The following COL7A1 variants were observed in gnomAD, a reference collection of about 807,000 sequenced individuals.
The protein encoded by COL7A1 is collagen alpha-1(VII) chain.
Under a neutral mutation model 456.2 loss-of-function variants are expected in COL7A1, and 296 were observed. That is an observed-to-expected ratio of 0.65 (90% CI 0.59 to 0.71). The LOEUF (loss-of-function observed/expected upper bound fraction) is 0.71, where lower values mean the gene tolerates loss of function less well. Ranked by LOEUF, COL7A1 falls within the 30% of genes least tolerant of loss-of-function variation. The pLI is 0.00. For synonymous variants in COL7A1, 1,464 were observed against 1,525.9 expected, an observed-to-expected ratio of 0.96 and a Z score of 0.95; for missense variants, 3,441 against 4,017.2, an observed-to-expected ratio of 0.86 and a Z score of 3.88.
At position 48,576,721 on chromosome 3, in the gene COL7A1, G is replaced by C. The variant is rs2107682399; in HGVS notation, c.5655C>G (p.Pro1885=). The C allele has an allele frequency of 6.2e-7, 1 of 1,610,970 alleles. No homozygotes were observed. The highest frequency in any genetic ancestry group is 8.5e-7 in the Non-Finnish European group (1 of 1,178,946). ...GERGAPGILG[P]QGPPGLPGPV... The stretch of plus-strand genomic sequence containing the variant: ...GCCCTGGGAGGCCTGGAGGCCCCTG[G>C]GGTCCAAGGATACCAGGAGCTCCAC... Residue 1885 remains proline, a synonymous_variant, in exon 68 of 119, where the codon CCC becomes CCG. Coordinates refer to ENST00000681320, the MANE Select transcript of COL7A1 (RefSeq NM_000094.4).
Position 48,574,695 on chromosome 3 carries a change from T to C in COL7A1, c.6375A>G (p.Gln2125=), listed in dbSNP as rs2107669673. The C allele has an allele frequency of 1.2e-6, 2 of 1,613,964 alleles. No individual in the cohort carries two copies. The highest frequency in any genetic ancestry group is 8.5e-7 in the Non-Finnish European group (1 of 1,180,002). Residue 2125 remains glutamine (Q), a synonymous_variant, in exon 78 of 119, where the codon CAA becomes CAG. Transcript: ENST00000681320. This position sits in a 1 kb window ranked among gnomAD's most constrained non-coding sequence, Gnocchi z 5.0. ...GCCTCACCCTGTCTCCTTTGGGACCTTGGTCACCATTGCTGCCCGGCTCCC... is the reference window on the plus strand; with the variant it reads ...GCCTCACCCTGTCTCCTTTGGGACCCTGGTCACCATTGCTGCCCGGCTCCC... ...AKGEPGSNGD[Q]GPKGDRGVPG...
chr3:48,571,836 C>T lies in COL7A1; in HGVS notation c.7068+165G>A. 1.2e-6 allele frequency: 1 copy of T among 842,980 alleles called. No individual in the cohort carries two copies. Among genetic ancestry groups the T allele is most frequent in the Non-Finnish European group, 1.9e-6 (1 of 526,996 alleles). 52.2% of individuals were successfully genotyped at this position (842,980 alleles called of 1,614,324 possible). Reference sequence around the variant, plus strand: ...GCCCCCAGAGCTCAGAGTGTGGAAGCCGACAGTGTGTGGCTCCCTGTGATC... The same window carrying T: ...GCCCCCAGAGCTCAGAGTGTGGAAGTCGACAGTGTGTGGCTCCCTGTGATC... On this transcript the variant is annotated intron_variant, in intron 92 of 118. Coordinates refer to ENST00000681320, the MANE Select transcript of COL7A1 (RefSeq NM_000094.4). This position sits in a 1 kb window ranked among gnomAD's most constrained non-coding sequence, Gnocchi z 4.6.
chr3:48,592,505 A>G lies in COL7A1; in HGVS notation c.977-38T>C. On this transcript the variant is annotated intron_variant, in intron 8 of 118. Coordinates refer to ENST00000681320, the MANE Select transcript of COL7A1 (RefSeq NM_000094.4). The surrounding 1 kb of genome is among the most constrained non-coding windows in gnomAD (Gnocchi z 7.6). The stretch of plus-strand genomic sequence containing the variant: ...CCCACCAGGGATTCATGGAGTCAGA[A>G]GTGGGAGGGGGTACTGGGGTCGGGG... 1 of 1,599,322 alleles carries G rather than the reference A, an allele frequency of 6.3e-7. No homozygotes were observed. Among genetic ancestry groups the G allele is most frequent in the South Asian group, 1.1e-5 (1 of 90,746 alleles).
In COL7A1 at chr3:48,572,878, C is replaced by G; in HGVS notation, c.6815G>C (p.Gly2272Ala). Residue 2272 changes from glycine to alanine, a missense_variant, in exon 87 of 119, where the codon GGG becomes GCG. Around this residue, in one of 3 missense-constraint regions of COL7A1, gnomAD observed 2,084 missense variants for 2,501.3 expected, o/e 0.83. Coordinates refer to ENST00000681320, the MANE Select transcript of COL7A1 (RefSeq NM_000094.4). This position sits in a 1 kb window ranked among gnomAD's most constrained non-coding sequence, Gnocchi z 4.6. The stretch of plus-strand genomic sequence containing the variant: ...AACACATACTGGCACACCAGGGCTC[C>G]CTCTGTCTCCATCTTTTCCACTGGC... The part of the protein sequence containing the change: ...DGASGKDGDR[G>A]SPGVPGSPGL... The G allele has an allele frequency of 1.9e-6, 3 of 1,614,056 alleles. No individual in the cohort carries two copies. The highest frequency in any genetic ancestry group is 2.5e-6 in the Non-Finnish European group (3 of 1,180,000).
rs145236294 is a variant in COL7A1 at position 48,590,279 on chromosome 3, G to A, written c.1984C>T (p.Gln662Ter). 10 of 1,614,002 alleles carry A rather than the reference G, an allele frequency of 6.2e-6. No individual in the cohort carries two copies. The highest frequency in any genetic ancestry group is 8.5e-6 in the Non-Finnish European group (10 of 1,179,972). The change falls in exon 16 of 119, where the codon CAG becomes TAG. Residue 662 changes from glutamine (Q) to a stop codon, truncating the protein, a stop_gained. Coordinates refer to ENST00000681320, the MANE Select transcript of COL7A1 (RefSeq NM_000094.4). LOFTEE classifies it high-confidence loss of function. The surrounding 1 kb of genome is among the most constrained non-coding windows in gnomAD (Gnocchi z 4.6). ...ITGLQPGTTYQVAVSVLRGRE... is the reference protein window; with the variant it reads ...ITGLQPGTTY ...CCTCGCAGTACCGACACAGCCACCT[G>A]GTAGGTGGTTCCAGGCTGCAGCCCT... is the stretch of plus-strand genomic sequence containing the variant.
In COL7A1 at chr3:48,586,441, T is replaced by C. The variant is rs757434867; in HGVS notation, c.3441A>G (p.Ala1147=). ...AVVTAHRYML[A]PDAPGRRQHV... ...GCTGGCGGCGCCCAGGAGCATCTGG[T>C]GCCAACATGTATCTGTGAGCTGTGA... The change falls in exon 27 of 119, where the codon GCA becomes GCG. Residue 1147 remains alanine, a synonymous_variant. Transcript: ENST00000681320. The surrounding 1 kb of genome is among the most constrained non-coding windows in gnomAD (Gnocchi z 5.1). The C allele has an allele frequency of 3.7e-6, 6 of 1,613,796 alleles. No homozygotes were observed. In the East Asian group the frequency reaches 8.9e-5, roughly 24 times the overall value.
Position 48,564,231 on chromosome 3 carries a change from G to A in COL7A1, c.*175C>T. The A allele has an allele frequency of 1.3e-6, 1 of 770,306 alleles. No homozygotes were observed. The highest frequency in any genetic ancestry group is 1.5e-5 in the South Asian group (1 of 65,330). 47.7% of individuals were successfully genotyped at this position (770,306 alleles called of 1,614,324 possible). A position where few individuals can be genotyped will look rare whatever the true frequency, so the allele number is the denominator to read the frequency against. Reference sequence around the variant, plus strand: ...CCAGGGTGGCAGGAGCCACAATGGGGGTTTGTCCACAGGGGGGAAGGCTAG... The same window carrying A: ...CCAGGGTGGCAGGAGCCACAATGGGAGTTTGTCCACAGGGGGGAAGGCTAG... On this transcript the variant is annotated 3_prime_UTR_variant, in exon 119 of 119. Transcript: ENST00000681320. This position sits in a 1 kb window ranked among gnomAD's most constrained non-coding sequence, Gnocchi z 6.0.
Position 48,573,971 on chromosome 3 carries a change from G to A in COL7A1, c.6502-81C>T. ...CAACCTCTGGGGGCTTTTTCCTTGG[G>A]GGTCAATTTCCATACCTCACCCTTT... On this transcript the variant is annotated intron_variant, in intron 80 of 118. Transcript: ENST00000681320. The surrounding 1 kb of genome is among the most constrained non-coding windows in gnomAD (Gnocchi z 5.5). 3.2e-6 allele frequency: 5 copies of A among 1,556,522 alleles called. No homozygotes were observed. The highest frequency in any genetic ancestry group is 2.6e-6 in the Non-Finnish European group (3 of 1,141,360).
At position 48,570,639 on chromosome 3, in the gene COL7A1, C is replaced by A; in HGVS notation, c.7344G>T (p.Val2448=). Residue 2448 remains valine, a splice_region_variant and synonymous_variant, in exon 96 of 119, where the codon GTG becomes GTT. Coordinates refer to ENST00000681320, the MANE Select transcript of COL7A1 (RefSeq NM_000094.4). This position sits in a 1 kb window ranked among gnomAD's most constrained non-coding sequence, Gnocchi z 5.5. Reference sequence around the variant, plus strand: ...GGGGCTTTAGGGCACCTCTACTCACCACTGACCCCGGTGGTCCAGGTGGCC... The same window carrying A: ...GGGGCTTTAGGGCACCTCTACTCACAACTGACCCCGGTGGTCCAGGTGGCC... ...PLGPPGPPGS[V]GPPGASGLKG... 2 of 1,604,474 alleles carry A rather than the reference C, an allele frequency of 1.2e-6. No individual in the cohort carries two copies. Among genetic ancestry groups the A allele is most frequent in the East Asian group, 2.3e-5 (1 of 44,374 alleles).
Position 48,570,760 on chromosome 3 carries a change from C to T in COL7A1, c.7273-50G>A. ...GGCAGAGAGTGACTTGGGAACCCTC[C>T]TACCCTCTGCCCCCTCAAGACTGGG... On this transcript the variant is annotated intron_variant, in intron 95 of 118. Transcript: ENST00000681320. The surrounding 1 kb of genome is among the most constrained non-coding windows in gnomAD (Gnocchi z 5.5). 6.4e-7 allele frequency: 1 copy of T among 1,557,208 alleles called. No individual in the cohort carries two copies. Among genetic ancestry groups the T allele is most frequent in the Non-Finnish European group, 8.7e-7 (1 of 1,150,390 alleles).
chr3:48,564,693 C>G lies in COL7A1; in HGVS notation c.8818+90G>C. On this transcript the variant is annotated intron_variant, in intron 118 of 118. Coordinates refer to ENST00000681320, the MANE Select transcript of COL7A1 (RefSeq NM_000094.4). The surrounding 1 kb of genome is among the most constrained non-coding windows in gnomAD (Gnocchi z 6.0). ...GGGAGCGTCTCCTCCAGGACCCTGA[C>G]CTGGAACCCTGGCCCAAGGACTCCT... 1 of 1,437,134 alleles carries G rather than the reference C, an allele frequency of 7.0e-7. No individual in the cohort carries two copies. The highest frequency in any genetic ancestry group is 1.3e-5 in the South Asian group (1 of 77,272). The allele number at this position is 1,437,134 out of a possible 1,614,324, so 89.0% of individuals were successfully genotyped here. A position where few individuals can be genotyped will look rare whatever the true frequency, so the allele number is the denominator to read the frequency against.
Position 48,567,704 on chromosome 3 carries a change from ACT to A in COL7A1, c.7983+4_7983+5del. On this transcript the variant is annotated splice_donor_5th_base_variant and intron_variant, in intron 108 of 118. Transcript: ENST00000681320. This position sits in a 1 kb window ranked among gnomAD's most constrained non-coding sequence, Gnocchi z 4.3. ...GCCCCCTCATTCTGAGCGTGCCCACACTCACCATCTCTCCTTTGTGTCCTGCC... is the reference window on the plus strand; with the variant it reads ...GCCCCCTCATTCTGAGCGTGCCCACACACCATCTCTCCTTTGTGTCCTGCC... The A allele has an allele frequency of 6.2e-7, 1 of 1,613,658 alleles. No individual in the cohort carries two copies. Among genetic ancestry groups the A allele is most frequent in the Non-Finnish European group, 8.5e-7 (1 of 1,179,932 alleles).
chr3:48,579,360 C>T lies in COL7A1; in HGVS notation c.5307+9G>A, dbSNP rs777255749. ...GCTCATGTCCTGAGAAACCCCCACA[C>T]CCTCTCACCTTTTCTCCTGCTGGGC... On this transcript the variant is annotated intron_variant, in intron 61 of 118. Transcript: ENST00000681320. The surrounding 1 kb of genome is among the most constrained non-coding windows in gnomAD (Gnocchi z 4.4). The T allele has an allele frequency of 6.2e-7, 1 of 1,614,180 alleles. No homozygotes were observed. Among genetic ancestry groups the T allele is most frequent in the Non-Finnish European group, 8.5e-7 (1 of 1,180,028 alleles).
Position 48,586,421 on chromosome 3 carries a change from C to A in COL7A1, c.3461G>T (p.Arg1154Leu). The A allele has an allele frequency of 1.9e-6, 3 of 1,613,872 alleles. No homozygotes were observed. Among genetic ancestry groups the A allele is most frequent in the South Asian group, 1.1e-5 (1 of 91,084 alleles). The stretch of plus-strand genomic sequence containing the variant: ...AACCATCACCCCTGGTACGTGCTGG[C>A]GGCGCCCAGGAGCATCTGGTGCCAA... ...YMLAPDAPGRRQHVPGVMVLL... is the reference protein window; with the variant it reads ...YMLAPDAPGRLQHVPGVMVLL... Residue 1154 changes from arginine (R) to leucine (L), a missense_variant, in exon 27 of 119, where the codon CGC (arginine) becomes CTC (leucine). Physicochemically the swap from Arg to Leu is moderately radical, Grantham distance 102. Around this residue, in one of 3 missense-constraint regions of COL7A1, gnomAD observed 2,084 missense variants for 2,501.3 expected, o/e 0.83. Transcript: ENST00000681320. This position sits in a 1 kb window ranked among gnomAD's most constrained non-coding sequence, Gnocchi z 5.1.
At position 48,583,468 on chromosome 3, in the gene COL7A1, G is replaced by A. The variant is rs764729722; in HGVS notation, c.4402-40C>T. On this transcript the variant is annotated intron_variant, in intron 41 of 118. Coordinates refer to ENST00000681320, the MANE Select transcript of COL7A1 (RefSeq NM_000094.4). This position sits in a 1 kb window ranked among gnomAD's most constrained non-coding sequence, Gnocchi z 5.1. ...TTTGGGGGTTCAGAGATTTGGGTTTGGGCATGAGGATGGAGCAGTGGTTGA... is the reference window on the plus strand; with the variant it reads ...TTTGGGGGTTCAGAGATTTGGGTTTAGGCATGAGGATGGAGCAGTGGTTGA... 6.2e-7 allele frequency: 1 copy of A among 1,613,980 alleles called. No homozygotes were observed. The highest frequency in any genetic ancestry group is 1.1e-5 in the South Asian group (1 of 91,078).
rs757972649 is a variant in COL7A1 at position 48,576,895 on chromosome 3, A to G, written c.5593T>C (p.Ser1865Pro). The change falls in exon 67 of 119, where the codon TCT (serine) becomes CCT (proline). Residue 1865 changes from serine (S) to proline (P), a missense_variant. Coordinates refer to ENST00000681320, the MANE Select transcript of COL7A1 (RefSeq NM_000094.4). ...ACTCCAATACTCACTTCTCTCCCAGAGGCGCCTGAATCTCCTTTCTCTCCC... is the reference window on the plus strand; with the variant it reads ...ACTCCAATACTCACTTCTCTCCCAGGGGCGCCTGAATCTCCTTTCTCTCCC... ...RKGEKGDSGA[S>P]GREGRDGPKG... is the part of the protein sequence containing the mutation. 18 of 1,613,956 alleles carry G rather than the reference A, an allele frequency of 1.1e-5. No homozygotes were observed. Among genetic ancestry groups the G allele is most frequent in the Non-Finnish European group, 1.5e-5 (18 of 1,180,032 alleles).
At chr3:48,595,052 G>A (rs766294413) in intron 2 of COL7A1, 23 bp downstream of exon 2, 20 of 1,537,742 alleles carry the variant, frequency 1.3e-5, no homozygotes, top group African/African-American at 2.7e-5. Flanking sequence ...GCCCCGGGCC[G>A]GGTCCTCCCT....
In COL7A1 at chr3:48,568,207, T is replaced by C. The variant is rs1167944207; in HGVS notation, c.7795-37A>G. 1.9e-6 allele frequency: 3 copies of C among 1,603,370 alleles called. No homozygotes were observed. The Admixed American group carries it at 5.0e-5, about 27-fold the overall frequency. ...AGGGTCCATGTGAGGTCAGAGGAGG[T>C]CAGTGAGGGACCAAAGAGAATCGCC... On this transcript the variant is annotated intron_variant, in intron 105 of 118. Coordinates refer to ENST00000681320, the MANE Select transcript of COL7A1 (RefSeq NM_000094.4). The surrounding 1 kb of genome is among the most constrained non-coding windows in gnomAD (Gnocchi z 5.2).
chr3:48,592,396 C>T lies in COL7A1; in HGVS notation c.1048G>A (p.Val350Met), dbSNP rs1415127222. The T allele has an allele frequency of 1.2e-5, 20 of 1,613,674 alleles. No homozygotes were observed. The highest frequency in any genetic ancestry group is 1.7e-5 in the Non-Finnish European group (20 of 1,180,050). Residue 350 changes from valine (V) to methionine (M), a missense_variant, in exon 9 of 119, where the codon GTG becomes ATG. This residue lies in a region of COL7A1 where 913 missense variants were observed against 1,088.2 expected (regional missense o/e 0.84). Coordinates refer to ENST00000681320, the MANE Select transcript of COL7A1 (RefSeq NM_000094.4). This position sits in a 1 kb window ranked among gnomAD's most constrained non-coding sequence, Gnocchi z 7.6. Reference sequence around the variant, plus strand: ...ACACGGTAGCCAGTGGCACCTGGCACACTCCGCCAGGCCACCAGGAGGCTG... The same window carrying T: ...ACACGGTAGCCAGTGGCACCTGGCATACTCCGCCAGGCCACCAGGAGGCTG... Reference protein sequence around the residue: ...AHSLLVAWRSVPGATGYRVTW... With the variant: ...AHSLLVAWRSMPGATGYRVTW...
Sources: gnomAD v4.1 joint callset for allele counts on GRCh38, gnomAD v4.1.1 for gene constraint, gnomAD v4.1.1 regional missense constraint, Gnocchi (gnomAD v3.1) non-coding constraint, MANE v1.5 for transcripts, NCBI Gene and HGNC (gene_info 2026-07-23, HGNC 2026-07-21) for gene names.